The following PALM2AKAP2 variants were observed in gnomAD, a reference collection of about 807,000 sequenced individuals.
The protein encoded by PALM2AKAP2 is PALM2 and AKAP2 fusion.
PALM2AKAP2 carries 37 observed loss-of-function variants against 71.5 expected under a neutral mutation model. That is an observed-to-expected ratio of 0.52 (90% confidence interval 0.40 to 0.68). The LOEUF is 0.68. Among genes scored for constraint, PALM2AKAP2 ranks in the 30% least tolerant of loss-of-function variants. The pLI is 0.00. For synonymous variants in PALM2AKAP2, 468 were observed against 478.8 expected (o/e 0.98, Z 0.29); for missense variants, 1,224 against 1,191.8 (o/e 1.03, Z -0.40).
rs1281784524 is a variant in PALM2AKAP2, at chr9:110,124,613, T to C, written c.157-11514T>C. ...TAAACACGCCAACTCCCTGTTAGAC[T>C]TAGTGTAGTGCTGGGGGCCCTATTC... On this transcript the variant is annotated intron_variant, in intron 1 of 3. Coordinates refer to ENST00000374525, the Ensembl canonical transcript of PALM2AKAP2. Among the ~76,000 whole-genome samples, 4 of 152,182 alleles carry C rather than the reference T, an allele frequency of 2.6e-5. No individual in the cohort carries two copies. In the South Asian group the frequency reaches 8.3e-4, roughly 32 times the overall value.
rs370809115 is a variant in PALM2AKAP2, at chr9:110,005,560, C to G, written c.497-10394C>G. On this transcript the variant is annotated intron_variant, in intron 6 of 9. Transcript: ENST00000302798. ...CACTACTCTCTTCAAAGCTGTCAGA[C>G]AGGGACATTTAAGTCTGCAGAGGTT... Among the ~76,000 whole-genome samples the G allele has an allele frequency of 2.0e-4, 31 of 152,344 alleles. No individual in the cohort carries two copies. The East Asian group carries it at 5.2e-3, about 26-fold the overall frequency.
At chr9:110,041,090 C>A (rs924663642) in intron 7 of PALM2AKAP2, among the ~76,000 whole-genome samples, 3 of 152,140 alleles carry the variant, frequency 2.0e-5, no homozygotes, top group South Asian at 2.1e-4. Context: ...TGATACATGG[C>A]TACATTCATG....
chr9:110,170,222 A>T (rs942748439), exon 4 of PALM2AKAP2: 4 of 152,610 alleles, frequency 2.6e-5, no homozygotes, highest in African/African-American at 7.2e-5. Context: ...AAAAAAAATA[A>T]ACAGCCTTCT....
intron 1 of PALM2AKAP2, among the ~76,000 whole-genome samples, chr9:109,865,096 C>CTTTTGTTTT (rs1829413801): frequency 1.3e-5 from 1 of 75,640 alleles, no homozygotes; most frequent in Non-Finnish European, 2.3e-5. Context: ...CTACTCATTC[C>CTTTTGTTTT]TTTTTTTTTT....
exon 2 of PALM2AKAP2, chr9:110,136,947 T>C: frequency 6.2e-7 from 1 of 1,614,050 alleles, no homozygotes; most frequent in Non-Finnish European, 8.5e-7. Context: ...AATCCTGGCA[T>C]TGCAGCAAAA....
chr9:109,925,540 TTCTC>T (rs142625347), intron 5 of PALM2AKAP2, among the ~76,000 whole-genome samples: 3 of 150,672 alleles, frequency 2.0e-5, no homozygotes, highest in East Asian at 1.9e-4. Context: ...TTTCTTTGCT[TTCTC>T]TCTCTCTCTC....
intron 1 of PALM2AKAP2, among the ~76,000 whole-genome samples, chr9:109,697,132 G>T (rs888888744): frequency 6.6e-6 from 1 of 151,954 alleles, no homozygotes; most frequent in Admixed American, 6.6e-5. Flanking sequence ...CATCAACAGG[G>T]TACTGGTTAA....
chr9:109,799,026 C>T (rs553167827), intron 1 of PALM2AKAP2, among the ~76,000 whole-genome samples: 9 of 152,292 alleles, frequency 5.9e-5, no homozygotes, highest in African/African-American at 1.9e-4. Context: ...ACTCACGGAT[C>T]CCCTTGCTGT....
chr9:109,765,183 G>A (rs969817131), intron 1 of PALM2AKAP2, among the ~76,000 whole-genome samples: 5 of 152,166 alleles, frequency 3.3e-5, no homozygotes, highest in African/African-American at 1.2e-4. Context: ...GGACACCTAA[G>A]CTCCACCCCC....
At chr9:109,821,613 A>G (rs1355958853) in intron 1 of PALM2AKAP2, among the ~76,000 whole-genome samples, 1 of 152,216 alleles carries the variant, frequency 6.6e-6, no homozygotes, top group Non-Finnish European at 1.5e-5. Context: ...CCTTCAAGAC[A>G]TCACCATATG....
At chr9:110,040,725 G>A (rs1177118597) in intron 7 of PALM2AKAP2, among the ~76,000 whole-genome samples, 2 of 152,060 alleles carry the variant, frequency 1.3e-5, no homozygotes, top group East Asian at 3.9e-4. Flanking sequence ...AAGAAGTTAA[G>A]CACCACTGGA....
intron 7 of PALM2AKAP2, among the ~76,000 whole-genome samples, chr9:110,024,555 G>T (rs1191823907): frequency 6.6e-6 from 1 of 152,130 alleles, no homozygotes; most frequent in African/African-American, 2.4e-5. Flanking sequence ...AGGCCAAAGT[G>T]GGTAGATCAC....
chr9:109,962,923 A>G (rs1033812744), intron 6 of PALM2AKAP2, among the ~76,000 whole-genome samples: 12 of 152,158 alleles, frequency 7.9e-5, no homozygotes, highest in Admixed American at 6.5e-5. Flanking sequence ...TTTAACATAG[A>G]TTATCTTATT....
intron 2 of PALM2AKAP2, among the ~76,000 whole-genome samples, chr9:109,879,170 T>C (rs1401996696): frequency 1.3e-5 from 2 of 152,266 alleles, no homozygotes; most frequent in Non-Finnish European, 2.9e-5. Context: ...CTCCATTCCC[T>C]GGCTCTCAGT....
At chr9:110,093,363 A>T (rs932846457) in intron 1 of PALM2AKAP2, among the ~76,000 whole-genome samples, 1 of 152,150 alleles carries the variant, frequency 6.6e-6, no homozygotes, top group Admixed American at 6.5e-5. Flanking sequence ...TAGATGGGGC[A>T]TGAGGAGAAC....
At chr9:110,097,785 G>A (rs1834890367) in intron 1 of PALM2AKAP2, among the ~76,000 whole-genome samples, 1 of 142,316 alleles carries the variant, frequency 7.0e-6, no homozygotes. Context: ...CTGCAATCTC[G>A]GCACTTTGGG....
intron 1 of PALM2AKAP2, among the ~76,000 whole-genome samples, chr9:109,817,150 A>C: frequency 6.6e-6 from 1 of 152,236 alleles, no homozygotes; most frequent in East Asian, 1.9e-4. Context: ...TATTCTTATA[A>C]GTCTATTGGT....
chr9:109,948,296 G>A, intron 6 of PALM2AKAP2, among the ~76,000 whole-genome samples: 1 of 152,106 alleles, frequency 6.6e-6, no homozygotes, highest in Non-Finnish European at 1.5e-5. Flanking sequence ...ATTTTACCAG[G>A]GCTCCTTAGA....
intron 3 of PALM2AKAP2, 104 bp downstream of exon 9, chr9:110,156,601 G>A: frequency 7.4e-7 from 1 of 1,359,552 alleles, no homozygotes. Context: ...TGTCTGGTCA[G>A]CATTAGGGTT....
Sources: allele counts gnomAD v4.1 joint callset (sites outside exome capture counted in the v4.1 genomes callset), GRCh38; gene constraint gnomAD v4.1.1; transcripts MANE v1.5; gene names NCBI Gene and HGNC (gene_info 2026-07-23, HGNC 2026-07-21).